The following ADAMTSL1 variants were observed in gnomAD, a reference collection of about 807,000 sequenced individuals.
The protein encoded by ADAMTSL1 is ADAMTS-like protein 1.
In ADAMTSL1, 126 loss-of-function variants were observed where a neutral mutation model predicts 201.8. The observed-to-expected ratio is 0.62, with a 90% confidence interval of 0.54 to 0.72. The LOEUF (loss-of-function observed/expected upper bound fraction) is 0.72. ADAMTSL1 is among the 30% of genes least tolerant of loss of function. ADAMTSL1 has a pLI of 0.00. For synonymous variants in ADAMTSL1, 1,121 were observed against 903.4 expected (o/e 1.24, Z -4.32); for missense variants, 2,679 against 2,277.8 (o/e 1.18, Z -3.59).
chr9:17,928,393 G>T (rs1209813714), intron 1 of ADAMTSL1, among the ~76,000 whole-genome samples: 1 of 152,124 alleles, frequency 6.6e-6, no homozygotes, highest in African/African-American at 2.4e-5. Flanking sequence ...TGAACTCAAG[G>T]TAGAGCTAAT....
chr9:18,565,799 C>T (rs952709428), intron 3 of ADAMTSL1, among the ~76,000 whole-genome samples: 1 of 152,198 alleles, frequency 6.6e-6, no homozygotes, highest in Non-Finnish European at 1.5e-5. Context: ...TTTCATTTTA[C>T]ATAGCAGCTA....
intron 2 of ADAMTSL1, among the ~76,000 whole-genome samples, chr9:18,316,056 C>T (rs545386785): frequency 1.1e-3 from 173 of 152,264 alleles, no homozygotes; most frequent in African/African-American, 4.0e-3. Flanking sequence ...TCGGTAGGTT[C>T]CGTGATGCCC....
At chr9:18,572,582 T>C (rs1223543245) in intron 3 of ADAMTSL1, among the ~76,000 whole-genome samples, 1 of 152,146 alleles carries the variant, frequency 6.6e-6, no homozygotes, top group Non-Finnish European at 1.5e-5. Flanking sequence ...TTTTATATTG[T>C]ATTTTGAACA....
intron 1 of ADAMTSL1, among the ~76,000 whole-genome samples, chr9:18,488,324 A>T (rs987128547): frequency 6.6e-6 from 1 of 152,186 alleles, no homozygotes; most frequent in Admixed American, 6.5e-5. Flanking sequence ...ATCTGGAAGC[A>T]AGTGTACCAT....
intron 1 of ADAMTSL1, among the ~76,000 whole-genome samples, chr9:18,051,373 C>T (rs1222767976): frequency 1.3e-5 from 2 of 152,054 alleles, no homozygotes; most frequent in East Asian, 1.9e-4. Flanking sequence ...TGTAAGGAAG[C>T]TGGTAGACTG....
At chr9:18,241,875 A>G (rs576865677) in intron 2 of ADAMTSL1, among the ~76,000 whole-genome samples, 2 of 152,258 alleles carry the variant, frequency 1.3e-5, no homozygotes, top group East Asian at 3.9e-4. Context: ...TGAAAAAGCA[A>G]CAAAAACCCT....
rs11407945 is a variant in ADAMTSL1 at position 18,391,824 on chromosome 9, CTT to C, written c.208-112988_208-112987del. Among the ~76,000 whole-genome samples the C allele has an allele frequency of 1.2e-3, 143 of 116,720 alleles. 1 individual carries two copies. Among genetic ancestry groups the C allele is most frequent in the African/African-American group, 4.0e-3 (125 of 31,010 alleles). The allele number at this position is 116,720 out of a possible 152,430, so 76.6% of individuals were successfully genotyped here. A position where few individuals can be genotyped will look rare whatever the true frequency, so the allele number is the denominator to read the frequency against. The stretch of plus-strand genomic sequence containing the variant: ...ACTACTTTTTTTCTTTCTTTTCTTT[CTT>C]TTTTTTTTTTTTTTTTGAGATGGAG... On this transcript the variant is annotated intron_variant, in intron 2 of 29. Transcript: ENST00000680146.
intron 1 of ADAMTSL1, among the ~76,000 whole-genome samples, chr9:18,018,388 T>A (rs1027087342): frequency 1.3e-5 from 2 of 152,212 alleles, no homozygotes; most frequent in South Asian, 2.1e-4. Context: ...CCTTCTGTAA[T>A]CCCTTCTGAA....
At chr9:18,683,002 T>C (rs992715994) in intron 12 of ADAMTSL1, among the ~76,000 whole-genome samples, 3 of 152,238 alleles carry the variant, frequency 2.0e-5, no homozygotes, top group African/African-American at 4.8e-5. Flanking sequence ...ACCTAGTGCC[T>C]GCAATATAGT....
At chr9:18,743,548 C>G (rs1818963663) in intron 15 of ADAMTSL1, among the ~76,000 whole-genome samples, 1 of 152,034 alleles carries the variant, frequency 6.6e-6, no homozygotes, top group Non-Finnish European at 1.5e-5. Flanking sequence ...TGTTTTCAAG[C>G]AGAAATAAGT....
chr9:18,303,810 T>C (rs1468324941), intron 2 of ADAMTSL1, among the ~76,000 whole-genome samples: 1 of 152,210 alleles, frequency 6.6e-6, no homozygotes, highest in Non-Finnish European at 1.5e-5. Context: ...TTTTTAATAA[T>C]GCTGGAGTCC....
chr9:18,153,301 G>A (rs1211715889), intron 1 of ADAMTSL1, among the ~76,000 whole-genome samples: 1 of 152,038 alleles, frequency 6.6e-6, no homozygotes, highest in East Asian at 1.9e-4. Context: ...ACCCTTATTA[G>A]ATAAATGCTC....
At chr9:18,406,135 T>C (rs1425649250) in intron 2 of ADAMTSL1, among the ~76,000 whole-genome samples, 4 of 152,190 alleles carry the variant, frequency 2.6e-5, no homozygotes, top group African/African-American at 9.6e-5. Context: ...CACTAATTCA[T>C]AAAGATTTAG....
chr9:18,853,884 A>ACT (rs1006513440), intron 23 of ADAMTSL1, among the ~76,000 whole-genome samples: 743 of 69,732 alleles, frequency 0.011, 12 homozygotes, highest in African/African-American at 0.055. Flanking sequence ...ACTTGTATTC[A>ACT]CTCTCTGTGT....
intron 20 of ADAMTSL1, 53 bp from the exon 21 acceptor site, chr9:18,817,056 C>G: frequency 6.3e-7 from 1 of 1,591,150 alleles, no homozygotes; most frequent in Non-Finnish European, 8.5e-7. Flanking sequence ...AAGGAGTGCC[C>G]CAATTTCCAC....
chr9:18,124,077 G>GTTTTTTTTTTTT (rs1157492042), intron 1 of ADAMTSL1, among the ~76,000 whole-genome samples: 2 of 70,836 alleles, frequency 2.8e-5, no homozygotes, highest in Non-Finnish European at 4.9e-5. Context: ...TTATTTGCCA[G>GTTTTTTTTTTTT]TTTTTTTTTT....
intron 23 of ADAMTSL1, among the ~76,000 whole-genome samples, chr9:18,871,133 T>C (rs1402322311): frequency 6.6e-6 from 1 of 152,220 alleles, no homozygotes; most frequent in East Asian, 1.9e-4. Context: ...CTGATTTCAC[T>C]ACCTTTGGAT....
At chr9:18,612,561 C>A (rs1482714918) in intron 4 of ADAMTSL1, among the ~76,000 whole-genome samples, 5 of 151,996 alleles carry the variant, frequency 3.3e-5, no homozygotes, top group South Asian at 4.2e-4. Context: ...AATAGAGAAC[C>A]CAGAAATAAG....
chr9:18,135,690 T>C (rs1331097), intron 1 of ADAMTSL1, among the ~76,000 whole-genome samples: 146,042 of 152,180 alleles, frequency 0.96, 70,323 homozygotes, highest in Non-Finnish European at 1. Flanking sequence ...ACCATATGCA[T>C]GTATATCACA....
Sources: allele counts gnomAD v4.1 joint callset (sites outside exome capture counted in the v4.1 genomes callset), GRCh38; gene constraint gnomAD v4.1.1; transcripts MANE v1.5; gene names NCBI Gene and HGNC (gene_info 2026-07-23, HGNC 2026-07-21).